The following CELA3A variants were observed in gnomAD, a reference collection of about 807,000 sequenced individuals.
CELA3A encodes the protein chymotrypsin-like elastase family member 3A.
In CELA3A, 35 loss-of-function variants were observed where a neutral mutation model predicts 38.6. That is an observed-to-expected ratio of 0.91 (90% CI 0.69 to 1.20). CELA3A has a LOEUF of 1.20. CELA3A is among the 50% of genes most tolerant of loss of function. The probability of loss-of-function intolerance (pLI) is 0.00; values close to 1 mark genes in which losing one functional copy is unlikely to be tolerated. For synonymous variants in CELA3A, 143 were observed against 136.7 expected (o/e 1.05, Z -0.32); for missense variants, 343 against 354.2 (o/e 0.97, Z 0.25).
chr1:22,001,721 A>T lies in CELA3A; in HGVS notation c.43+4A>T. ...TCCCTCCTCCTTGTGGCCGTTGGTA[A>T]GACCCCAACCTGTCTGTGTGCTCCC... On this transcript the variant is annotated splice_donor_region_variant and intron_variant, in intron 1 of 7. Transcript: ENST00000290122. 1 of 1,612,146 alleles carries T rather than the reference A, an allele frequency of 6.2e-7. No individual in the cohort carries two copies. The highest frequency in any genetic ancestry group is 8.5e-7 in the Non-Finnish European group (1 of 1,179,344).
At chr1:22,005,374 C>T in intron 2 of CELA3A, 73 bp from the exon 3 acceptor site, 1 of 1,566,230 alleles carries the variant, frequency 6.4e-7, no homozygotes, top group Non-Finnish European at 8.8e-7. Flanking sequence ...CAGTGCACAA[C>T]CTATACAGCC....
intron 5 of CELA3A, 58 bp from the exon 6 acceptor site, chr1:22,007,315 C>T: frequency 6.5e-7 from 1 of 1,549,480 alleles, no homozygotes; most frequent in East Asian, 2.3e-5. Flanking sequence ...CCCCCTTCCT[C>T]TGGGGCACCT....
chr1:22,005,937 G>A, intron 4 of CELA3A, 141 bp downstream of exon 4: 4 of 1,524,522 alleles, frequency 2.6e-6, no homozygotes, highest in South Asian at 1.2e-5. Flanking sequence ...GAGTCCAGCA[G>A]CCTGTGCCCA....
Position 22,003,158 on chromosome 1 carries a change from C to T in CELA3A, c.129+70C>T. ...ACCCTAAGCTCTAATGGCGTGGCAT[C>T]CAGCCTTGACACCATTGCTCCCTTT... On this transcript the variant is annotated intron_variant, in intron 2 of 7. Transcript: ENST00000290122. 1.5e-6 allele frequency: 2 copies of T among 1,347,540 alleles called. 1 individual carries two copies. The highest frequency in any genetic ancestry group is 2.5e-5 in the South Asian group (2 of 81,586). 83.5% of individuals were successfully genotyped at this position (1,347,540 alleles called of 1,614,324 possible).
At chr1:22,003,557 T>A (rs1443193686) in intron 2 of CELA3A, among the ~76,000 whole-genome samples, 1 of 150,664 alleles carries the variant, frequency 6.6e-6, no homozygotes, top group Non-Finnish European at 1.5e-5. Flanking sequence ...GGCTCACGCC[T>A]GTAATCCCAG....
Position 22,001,851 on chromosome 1 carries a change from G to C in CELA3A, c.43+134G>C, listed in dbSNP as rs1290994518. 4.6e-6 allele frequency: 6 copies of C among 1,295,792 alleles called. No individual in the cohort carries two copies. The East Asian group carries it at 1.4e-4, about 31-fold the overall frequency. 80.3% of individuals were successfully genotyped at this position (1,295,792 alleles called of 1,614,324 possible). A position where few individuals can be genotyped will look rare whatever the true frequency, so the allele number is the denominator to read the frequency against. ...AGGGGGTCTCAGCTTGTACCCGGGG[G>C]CATGACTGTAGGGGCTTTCAGCTTA... On this transcript the variant is annotated intron_variant, in intron 1 of 7. Coordinates refer to ENST00000290122, the MANE Select transcript of CELA3A (RefSeq NM_005747.5).
chr1:22,008,265 G>A (rs1176485002), intron 6 of CELA3A, among the ~76,000 whole-genome samples: 3 of 145,928 alleles, frequency 2.1e-5, no homozygotes, highest in Non-Finnish European at 4.5e-5. Flanking sequence ...ACCCTCCAAT[G>A]TCAGCCTCCC....
intron 6 of CELA3A, among the ~76,000 whole-genome samples, chr1:22,008,629 G>A (rs2152819750): frequency 6.6e-6 from 1 of 150,452 alleles, no homozygotes; most frequent in African/African-American, 2.5e-5. Context: ...TGTGGTGGTG[G>A]GCGCCTGTAG....
Position 22,009,696 on chromosome 1 carries a change from C to G in CELA3A, c.643-9C>G. On this transcript the variant is annotated splice_polypyrimidine_tract_variant and intron_variant, in intron 6 of 7. Transcript: ENST00000290122. The stretch of plus-strand genomic sequence containing the variant: ...GGCTCAGCCACCCACTCCTCTCTGA[C>G]GGTTCCAGGGTGACTCTGGAGGACC... 6.2e-7 allele frequency: 1 copy of G among 1,610,208 alleles called. No individual in the cohort carries two copies.
At chr1:22,007,230 C>T in intron 5 of CELA3A, 143 bp from the exon 6 acceptor site, 1 of 1,319,902 alleles carries the variant, frequency 7.6e-7, no homozygotes, top group African/African-American at 1.5e-5. Context: ...TGTAATGGTG[C>T]ACAAAGCATG....
chr1:22,005,564 C>A lies in CELA3A; in HGVS notation c.227+20C>A, dbSNP rs549836148. On this transcript the variant is annotated intron_variant, in intron 3 of 7. Transcript: ENST00000290122. ...CATCTCGTGAGTTCTCTACCCTGTC[C>A]CTGCCTGTGGCCCTGGGCAGCGGGG... 5 of 1,612,674 alleles carry A rather than the reference C, an allele frequency of 3.1e-6. No homozygotes were observed. Among genetic ancestry groups the A allele is most frequent in the African/African-American group, 1.3e-5 (1 of 74,446 alleles).
rs1232287992 is a variant in CELA3A, at chr1:22,011,990, T to G, written c.796-460T>G. On this transcript the variant is annotated intron_variant, in intron 7 of 7. Coordinates refer to ENST00000290122, the MANE Select transcript of CELA3A (RefSeq NM_005747.5). Reference sequence around the variant, plus strand: ...ATGGCATGAACCCAAGAAGTGGAGGTTGCAGTGAGTTGAGATCGTGCACTC... The same window carrying G: ...ATGGCATGAACCCAAGAAGTGGAGGGTGCAGTGAGTTGAGATCGTGCACTC... Among the ~76,000 whole-genome samples the G allele has an allele frequency of 3.2e-5, 4 of 125,138 alleles. 2 individuals carry two copies. Among genetic ancestry groups the G allele is most frequent in the African/African-American group, 1.3e-4 (4 of 30,204 alleles). The allele number at this position is 125,138 out of a possible 152,430, so 82.1% of individuals were successfully genotyped here.
In CELA3A at chr1:22,007,485, TGC is replaced by T. The variant is rs1370996178; in HGVS notation, c.613_614del (p.Ala205TrpfsTer11). ...GSTVKKTMVC[A>X]GGYIRSGCNG... Reference sequence around the variant, plus strand: ...CCACCGTGAAGAAAACCATGGTGTGTGCTGGAGGGTACATCCGCTCCGGCTGC... The same window carrying T: ...CCACCGTGAAGAAAACCATGGTGTGTTGGAGGGTACATCCGCTCCGGCTGC... On this transcript the variant is annotated frameshift_variant, in exon 6 of 8. Transcript: ENST00000290122. LOFTEE classifies it high-confidence loss of function. The T allele has an allele frequency of 1.4e-5, 22 of 1,611,724 alleles. No homozygotes were observed. Among genetic ancestry groups the T allele is most frequent in the Non-Finnish European group, 1.7e-5 (20 of 1,179,056 alleles).
Position 22,009,845 on chromosome 1 carries a change from C to T in CELA3A, c.783C>T (p.Asp261=), listed in dbSNP as rs1287872592. The change falls in exon 7 of 8, where the codon GAC becomes GAT. Residue 261 remains aspartate (D), a synonymous_variant. Coordinates refer to ENST00000290122, the MANE Select transcript of CELA3A (RefSeq NM_005747.5). ...TVFTRVSAFI[D]WIEETIASH ...TCACTCGAGTCTCCGCCTTCATCGACTGGATTGAGGAGGTGAGGAGGGCAG... is the reference window on the plus strand; with the variant it reads ...TCACTCGAGTCTCCGCCTTCATCGATTGGATTGAGGAGGTGAGGAGGGCAG... The T allele has an allele frequency of 5.6e-6, 9 of 1,612,378 alleles. 1 individual carries two copies. The Admixed American group carries it at 1.5e-4, about 27-fold the overall frequency.
At chr1:22,006,726 AATAAT>A (rs1644951919) in intron 4 of CELA3A, 147 bp from the exon 5 acceptor site, 2 of 712,266 alleles carry the variant, frequency 2.8e-6, no homozygotes, top group Non-Finnish European at 4.6e-6. Flanking sequence ...CAATAATAAT[AATAAT>A]AATAATAATA....
chr1:22,007,074 G>A (rs1460919171), intron 5 of CELA3A, 60 bp downstream of exon 5: 1 of 1,590,810 alleles, frequency 6.3e-7, no homozygotes, highest in Non-Finnish European at 8.6e-7. Context: ...GGGCCTGGGG[G>A]CTGCAGGTTG....
chr1:22,012,054 AC>A (rs1407030520), intron 7 of CELA3A, among the ~76,000 whole-genome samples: 1 of 127,436 alleles, frequency 7.8e-6, no homozygotes, highest in Non-Finnish European at 1.6e-5. Context: ...CTCAAAAAAA[AC>A]CAAAAAAACA....
At chr1:22,006,468 A>C (rs113754567) in intron 4 of CELA3A, among the ~76,000 whole-genome samples, 1 of 151,314 alleles carries the variant, frequency 6.6e-6, no homozygotes. Flanking sequence ...CGGAGGCTGC[A>C]GTGAGCCAAG....
chr1:22,009,185 G>A (rs1644969013), intron 6 of CELA3A, among the ~76,000 whole-genome samples: 1 of 151,142 alleles, frequency 6.6e-6, no homozygotes, highest in Non-Finnish European at 1.5e-5. Flanking sequence ...CTAACACGGT[G>A]AAACCCCGTC....
Sources: gnomAD v4.1 joint callset for allele counts (sites outside exome capture counted in the v4.1 genomes callset) on GRCh38, gnomAD v4.1.1 for gene constraint, MANE v1.5 for transcripts, NCBI Gene and HGNC (gene_info 2026-07-23, HGNC 2026-07-21) for gene names.